SNAPC4: variants seen among roughly 807,000 people sequenced by gnomAD.
The protein encoded by SNAPC4 is small nuclear RNA activating complex polypeptide 4.
In SNAPC4, 127 loss-of-function variants were observed where a neutral mutation model predicts 151.3. The observed-to-expected ratio is 0.84, with a 90% CI of 0.73 to 0.97. The LOEUF (loss-of-function observed/expected upper bound fraction) is 0.97, where lower values mean the gene tolerates loss of function less well. Ranked by LOEUF, SNAPC4 falls within the 50% of genes least tolerant of loss-of-function variation. The pLI, the probability that SNAPC4 is intolerant of heterozygous loss-of-function variation, is 0.00. For missense variants in SNAPC4, 2,186 were observed against 1,935.0 expected (o/e 1.13, Z -2.43); for synonymous variants, 1,002 against 824.4 (o/e 1.22, Z -3.69).
At chr9:136,397,436 G>A (rs1012479434) in intron 2 of SNAPC4, among the ~76,000 whole-genome samples, 1 of 149,050 alleles carries the variant, frequency 6.7e-6, no homozygotes, top group African/African-American at 2.5e-5. Context: ...GCAGGCCCTG[G>A]GTCTGGGAGA....
chr9:136,378,756 C>G lies in SNAPC4; in HGVS notation c.3071G>C (p.Gly1024Ala). The change falls in exon 22 of 24, where the codon GGA (glycine) becomes GCA (alanine). Residue 1024 changes from glycine (G) to alanine (A), a missense_variant. Physicochemically the swap from Gly to Ala is moderately conservative, Grantham distance 60. Transcript: ENST00000684778. ...GGATGCAGCGGGGGCCTGAGACTGT[C>G]CGAGACCACTCTCGGGGCAGCTCAC... is the stretch of plus-strand genomic sequence containing the variant. ...ISVSCPESGL[G>A]QSQAPAASRK... is the part of the protein sequence containing the mutation. The G allele has an allele frequency of 6.5e-7, 1 of 1,531,906 alleles. No individual in the cohort carries two copies. Among genetic ancestry groups the G allele is most frequent in the Non-Finnish European group, 8.8e-7 (1 of 1,138,908 alleles). 94.9% of individuals were successfully genotyped at this position (1,531,906 alleles called of 1,614,324 possible).
chr9:136,377,784 A>G lies in SNAPC4; in HGVS notation c.4043T>C (p.Leu1348Pro). 1 of 1,611,942 alleles carries G rather than the reference A, an allele frequency of 6.2e-7. No homozygotes were observed. Among genetic ancestry groups the G allele is most frequent in the Non-Finnish European group, 8.5e-7 (1 of 1,179,650 alleles). Residue 1348 changes from leucine to proline, a missense_variant, in exon 22 of 24, where the codon CTG becomes CCG. Leu to Pro is a moderately conservative substitution (Grantham distance 98). Coordinates refer to ENST00000684778, the MANE Select transcript of SNAPC4 (RefSeq NM_003086.4). ...ERPAGALQAS[L>P]GLVRGQLQDN... ...CTGGAGCTGCCCCCGCACCAGCCCC[A>G]GTGAGGCTTGCAGTGCTCCGGCCGG...
chr9:136,392,468 C>A, intron 9 of SNAPC4, 54 bp downstream of exon 9: 1 of 1,563,424 alleles, frequency 6.4e-7, no homozygotes, highest in Non-Finnish European at 8.8e-7. Flanking sequence ...TGCACCCGGG[C>A]TACAGGGAGC....
chr9:136,396,697 CA>C (rs58938485), intron 3 of SNAPC4, among the ~76,000 whole-genome samples: 1,628 of 152,296 alleles, frequency 0.011, 25 homozygotes, highest in African/African-American at 0.036. Context: ...GTGCACAACT[CA>C]CAGCTTTCCG....
At chr9:136,398,494 TCTC>T (rs1209115939) in intron 1 of SNAPC4, 57 bp from the exon 2 acceptor site, 2 of 1,586,052 alleles carry the variant, frequency 1.3e-6, no homozygotes, top group African/African-American at 2.7e-5. Context: ...GGGATCCCAT[TCTC>T]CTTCAGACAC....
chr9:136,392,432 GT>G, intron 9 of SNAPC4, 89 bp downstream of exon 9: 1 of 1,257,610 alleles, frequency 8.0e-7, no homozygotes, highest in Non-Finnish European at 1.2e-6. Context: ...GCCAGGGAGG[GT>G]GTGGCCTTAC....
chr9:136,384,880 C>T (rs1422769914), intron 13 of SNAPC4, 66 bp from the exon 14 acceptor site: 5 of 837,770 alleles, frequency 6.0e-6, no homozygotes, highest in South Asian at 4.5e-5. Context: ...CTGCCCCAAG[C>T]TTCTTTAATG....
chr9:136,385,292 G>C (rs1194269811), intron 13 of SNAPC4, among the ~76,000 whole-genome samples: 3 of 152,330 alleles, frequency 2.0e-5, no homozygotes, highest in African/African-American at 2.4e-5. Flanking sequence ...AAGTGCTGGT[G>C]AGAGTGTGGA....
At chr9:136,379,781 T>G in intron 21 of SNAPC4, 56 bp downstream of exon 21, 1 of 1,567,144 alleles carries the variant, frequency 6.4e-7, no homozygotes, top group Admixed American at 1.7e-5. Context: ...TTAGGCCTCT[T>G]CCCCGCCAGG....
chr9:136,382,218 G>A (rs886892664), intron 17 of SNAPC4, 35 bp downstream of exon 17: 7 of 1,604,416 alleles, frequency 4.4e-6, no homozygotes, highest in Non-Finnish European at 6.0e-6. Flanking sequence ...GGGGCACGTG[G>A]TGGCGTGCGC....
chr9:136,382,011 G>T lies in SNAPC4; in HGVS notation c.2130C>A (p.Ser710Arg). The change falls in exon 18 of 24, where the codon AGC (serine) becomes AGA (arginine). Residue 710 changes from serine (S) to arginine (R), a missense_variant. Physicochemically the swap from Ser to Arg is moderately radical, Grantham distance 110 (BLOSUM62 -1). Coordinates refer to ENST00000684778, the MANE Select transcript of SNAPC4 (RefSeq NM_003086.4). ...GCCACTGCACATGGGATCGGGCCAC[G>T]CTGTCACCAGAGCTGACCCCTGGGG... ...TSSPGVSSGD[S>R]VARSHVQWLR... 6 of 1,608,718 alleles carry T rather than the reference G, an allele frequency of 3.7e-6. No individual in the cohort carries two copies. Among genetic ancestry groups the T allele is most frequent in the Non-Finnish European group, 5.1e-6 (6 of 1,178,686 alleles).
chr9:136,387,424 A>G (rs1833926052), intron 13 of SNAPC4, 61 bp downstream of exon 13: 1 of 1,096,318 alleles, frequency 9.1e-7, no homozygotes, highest in East Asian at 2.5e-5. Flanking sequence ...AGCCCACACC[A>G]GAGTGCACCT....
At chr9:136,387,374 C>A in intron 13 of SNAPC4, 111 bp downstream of exon 13, 1 of 807,460 alleles carries the variant, frequency 1.2e-6, no homozygotes, top group South Asian at 1.4e-5. Context: ...ACGGGCCCCT[C>A]CCTCGCCCAG....
Position 136,377,789 on chromosome 9 carries a change from G to A in SNAPC4, c.4038C>T (p.Ala1346=). Residue 1346 remains alanine, a synonymous_variant, in exon 22 of 24, where the codon GCC becomes GCT. Transcript: ENST00000684778. ...EAERPAGALQ[A]SLGLVRGQLQ... is the part of the protein sequence containing the mutation. The stretch of plus-strand genomic sequence containing the variant: ...GCTGCCCCCGCACCAGCCCCAGTGA[G>A]GCTTGCAGTGCTCCGGCCGGCCGCT... 1.2e-6 allele frequency: 2 copies of A among 1,611,982 alleles called. No individual in the cohort carries two copies. Among genetic ancestry groups the A allele is most frequent in the East Asian group, 2.2e-5 (1 of 44,868 alleles).
rs371576396 is a variant in SNAPC4, at chr9:136,391,929, G to A, written c.975+13C>T. On this transcript the variant is annotated intron_variant, in intron 10 of 23. Coordinates refer to ENST00000684778, the MANE Select transcript of SNAPC4 (RefSeq NM_003086.4). ...AGGTCTCCTGGCCCCTGGGGTCCAG[G>A]CCAGGCCCTTACCCCCAGCTCCTCT... The A allele has an allele frequency of 4.1e-5, 66 of 1,599,304 alleles. No homozygotes were observed. Among genetic ancestry groups the A allele is most frequent in the Non-Finnish European group, 4.9e-5 (58 of 1,179,522 alleles).
chr9:136,392,323 C>T (rs1434780499), intron 9 of SNAPC4, among the ~76,000 whole-genome samples, 199 bp downstream of exon 9: 3 of 152,160 alleles, frequency 2.0e-5, no homozygotes, highest in South Asian at 4.1e-4. Context: ...CAGAAAGGGC[C>T]GTGCACCAGC....
At chr9:136,388,668 G>GC in intron 10 of SNAPC4, 77 bp from the exon 11 acceptor site, 1 of 1,572,004 alleles carries the variant, frequency 6.4e-7, no homozygotes, top group Non-Finnish European at 8.7e-7. Context: ...GTGCCCCAGG[G>GC]CACAGGTGGG....
rs745499270 is a variant in SNAPC4 at position 136,382,367 on chromosome 9, G to A, written c.1984-31C>T. On this transcript the variant is annotated intron_variant, in intron 16 of 23. Transcript: ENST00000684778. ...GAGAAAGCTGCCTGAGGCGAGGCAC[G>A]CGGGGTGTACGGGACACATGGGGGC... The A allele has an allele frequency of 8.8e-6, 14 of 1,596,772 alleles. No homozygotes were observed. The African/African-American group carries it at 1.2e-4, about 14-fold the overall frequency.
At chr9:136,377,143 G>C (rs1833475888) in intron 22 of SNAPC4, among the ~76,000 whole-genome samples, 1 of 149,734 alleles carries the variant, frequency 6.7e-6, no homozygotes, top group South Asian at 2.1e-4. Context: ...CAGAAATCCA[G>C]AGACAAACAC....
Sources: gnomAD v4.1 joint callset for allele counts (sites outside exome capture counted in the v4.1 genomes callset) on GRCh38, gnomAD v4.1.1 for gene constraint, MANE v1.5 for transcripts, NCBI Gene and HGNC (gene_info 2026-07-23, HGNC 2026-07-21) for gene names.